Variants in BTC observed in about 807,000 individuals in gnomAD.
BTC encodes betacellulin, also known as probetacellulin.
In BTC, 13 loss-of-function variants were observed where a neutral mutation model predicts 18.1. The observed-to-expected ratio is 0.72, with a 90% CI of 0.47 to 1.14. The LOEUF (loss-of-function observed/expected upper bound fraction) is 1.14, where lower values mean the gene tolerates loss of function less well. BTC is among the 50% of genes most tolerant of loss of function. The pLI, the probability that BTC is intolerant of heterozygous loss-of-function variation, is 0.00. For missense variants in BTC, 247 were observed against 224.2 expected, an observed-to-expected ratio of 1.10 and a Z score of -0.65; for synonymous variants, 83 against 79.4, an observed-to-expected ratio of 1.05 and a Z score of -0.24.
intron 5 of BTC, among the ~76,000 whole-genome samples, chr4:74,747,720 T>C (rs1724328807): frequency 1.3e-5 from 2 of 152,292 alleles, no homozygotes; most frequent in South Asian, 4.1e-4. Flanking sequence ...ATTATTGCTA[T>C]TGTTATTTTC....
At chr4:74,774,535 C>T (rs147436978) in intron 1 of BTC, among the ~76,000 whole-genome samples, 111 of 151,016 alleles carry the variant, frequency 7.4e-4, no homozygotes, top group African/African-American at 2.5e-3. Flanking sequence ...TTATTAAAAA[C>T]ATAACTGATT....
chr4:74,783,852 C>T (rs1725404187), intron 1 of BTC, among the ~76,000 whole-genome samples: 2 of 151,972 alleles, frequency 1.3e-5, no homozygotes, highest in Non-Finnish European at 2.9e-5. Flanking sequence ...AGCTATATTT[C>T]TAGGTATTTT....
Position 74,794,465 on chromosome 4 carries a change from G to C in BTC, c.-140C>G. The C allele has an allele frequency of 3.1e-6, 3 of 973,146 alleles. No homozygotes were observed. Among genetic ancestry groups the C allele is most frequent in the Non-Finnish European group, 4.4e-6 (3 of 685,146 alleles). The allele number at this position is 973,146 out of a possible 1,614,324, so 60.3% of individuals were successfully genotyped here. A position where few individuals can be genotyped will look rare whatever the true frequency, so the allele number is the denominator to read the frequency against. On this transcript the variant is annotated 5_prime_UTR_variant, in exon 1 of 6. Transcript: ENST00000395743. The stretch of plus-strand genomic sequence containing the variant: ...GGAAACGAAACTACTTCCCAGGCTG[G>C]CACCCTGGCTACAAGGCAGGGAAAC...
chr4:74,789,060 T>C (rs1423259933), intron 1 of BTC, among the ~76,000 whole-genome samples: 1 of 152,234 alleles, frequency 6.6e-6, no homozygotes, highest in Non-Finnish European at 1.5e-5. Flanking sequence ...GCTACTGACC[T>C]AGAAGGACTT....
chr4:74,772,726 C>T (rs996111366), intron 1 of BTC, among the ~76,000 whole-genome samples: 5 of 151,638 alleles, frequency 3.3e-5, no homozygotes, highest in African/African-American at 4.8e-5. Flanking sequence ...ATCTCCTTCT[C>T]GAGGTTATTG....
chr4:74,748,234 G>C, intron 4 of BTC, 85 bp from the exon 5 acceptor site: 1 of 870,090 alleles, frequency 1.1e-6, no homozygotes, highest in Middle Eastern at 2.3e-4. Context: ...CTATGATCAG[G>C]TTTCTTTTTT....
intron 5 of BTC, among the ~76,000 whole-genome samples, 192 bp from the exon 6 acceptor site, chr4:74,746,867 G>T (rs1724306011): frequency 6.6e-6 from 1 of 152,182 alleles, no homozygotes; most frequent in African/African-American, 2.4e-5. Context: ...TTTTCTGGAA[G>T]AGATTCTTTG....
At chr4:74,764,840 T>C (rs1724854707) in intron 2 of BTC, among the ~76,000 whole-genome samples, 2 of 152,086 alleles carry the variant, frequency 1.3e-5, no homozygotes, top group Admixed American at 1.3e-4. Flanking sequence ...CTGGATAACT[T>C]ATAAAGGAAA....
chr4:74,750,722 A>G lies in BTC; in HGVS notation c.282-3T>C, dbSNP rs200299491. 139 of 1,611,016 alleles carry G rather than the reference A, an allele frequency of 8.6e-5. No individual in the cohort carries two copies. In the African/African-American group the frequency reaches 1.7e-3, roughly 20 times the overall value. ...CTCCAATGTAGCCTTCATCACAGCT[A>G]TAAAACAAGACGAGGGCAAGGAAGT... On this transcript the variant is annotated splice_region_variant and splice_polypyrimidine_tract_variant and intron_variant, in intron 3 of 5. Coordinates refer to ENST00000395743, the MANE Select transcript of BTC (RefSeq NM_001729.4).
At chr4:74,772,506 A>C (rs756349293) in intron 1 of BTC, among the ~76,000 whole-genome samples, 3 of 152,210 alleles carry the variant, frequency 2.0e-5, no homozygotes, top group Non-Finnish European at 2.9e-5. Context: ...TAAACGAACA[A>C]GAAAAAAACT....
intron 1 of BTC, among the ~76,000 whole-genome samples, chr4:74,773,616 C>CA (rs1725103917): frequency 1.4e-5 from 2 of 145,766 alleles, no homozygotes. Flanking sequence ...TAGACACAAA[C>CA]TTTTTTTTTT....
intron 2 of BTC, among the ~76,000 whole-genome samples, chr4:74,768,666 T>C (rs1448916901): frequency 6.6e-6 from 1 of 152,128 alleles, no homozygotes; most frequent in Non-Finnish European, 1.5e-5. Context: ...TTTGAAGAGA[T>C]CTGCTAATCT....
rs10654944 is a variant in BTC at position 74,749,483 on chromosome 4, A to AAAATAAATAAAT, written c.428+1078_428+1089dup. 7.6e-3 allele frequency among the ~76,000 whole-genome samples: 1,092 copies of AAAATAAATAAAT among 143,702 alleles called. 14 individuals are homozygous for AAAATAAATAAAT. Among genetic ancestry groups the AAAATAAATAAAT allele is most frequent in the African/African-American group, 0.022 (856 of 38,632 alleles). The allele number at this position is 143,702 out of a possible 152,430, so 94.3% of individuals were successfully genotyped here. ...GGGCAACAGAGCAAGACTCTGTCTCAAAATAAATAAATAAATAAATAAATA... is the reference window on the plus strand; with the variant it reads ...GGGCAACAGAGCAAGACTCTGTCTCAAAATAAATAAATAAATAAATAAATAAATAAATAAATA... On this transcript the variant is annotated intron_variant, in intron 4 of 5. Transcript: ENST00000395743.
intron 1 of BTC, among the ~76,000 whole-genome samples, chr4:74,783,151 GTTTT>G (rs1316851047): frequency 2.0e-5 from 3 of 152,118 alleles, no homozygotes; most frequent in Non-Finnish European, 4.4e-5. Context: ...TGCTTTTGGT[GTTTT>G]TGTCATGAAA....
At chr4:74,756,354 G>T (rs1251116748) in intron 2 of BTC, among the ~76,000 whole-genome samples, 1 of 152,158 alleles carries the variant, frequency 6.6e-6, no homozygotes, top group Non-Finnish European at 1.5e-5. Flanking sequence ...GTTTGGTTTT[G>T]GTTGTTTAAC....
chr4:74,763,079 T>A (rs1724805934), intron 2 of BTC, among the ~76,000 whole-genome samples: 1 of 152,210 alleles, frequency 6.6e-6, no homozygotes, highest in Admixed American at 6.5e-5. Flanking sequence ...CACATAGACA[T>A]GTTGAAGTCT....
chr4:74,782,118 C>A (rs1246467372), intron 1 of BTC, among the ~76,000 whole-genome samples: 1 of 150,320 alleles, frequency 6.7e-6, no homozygotes, highest in Admixed American at 6.6e-5. Flanking sequence ...CTTTTTTTTT[C>A]ATTTTAAGTT....
intron 2 of BTC, among the ~76,000 whole-genome samples, chr4:74,760,555 C>A (rs868979859): frequency 1.3e-5 from 2 of 152,160 alleles, no homozygotes; most frequent in African/African-American, 4.8e-5. Context: ...TGAAGAAATA[C>A]AAACTTTGAA....
chr4:74,755,773 T>C, intron 3 of BTC, 86 bp downstream of exon 3: 1 of 1,261,980 alleles, frequency 7.9e-7, no homozygotes, highest in Non-Finnish European at 1.1e-6. Context: ...GATGGCATGG[T>C]TAGCTCACAC....
Sources: gnomAD v4.1 joint callset for allele counts (sites outside exome capture counted in the v4.1 genomes callset) on GRCh38, gnomAD v4.1.1 for gene constraint, MANE v1.5 for transcripts, NCBI Gene and HGNC (gene_info 2026-07-23, HGNC 2026-07-21) for gene names.